The following EML5 variants were observed in gnomAD, a reference collection of about 807,000 sequenced individuals.
EML5 encodes EMAP like 5, also known as echinoderm microtubule-associated protein-like 5.
EML5 carries 120 observed loss-of-function variants against 250.0 expected under a neutral mutation model. That is an observed-to-expected ratio of 0.48 (90% CI 0.41 to 0.56). The LOEUF is 0.56. EML5 is among the 20% of genes least tolerant of loss of function. The pLI, the probability that EML5 is intolerant of heterozygous loss-of-function variation, is 0.00. For synonymous variants in EML5, 771 were observed against 806.5 expected, an observed-to-expected ratio of 0.96 and a Z score of 0.75; for missense variants, 2,006 against 2,437.6, an observed-to-expected ratio of 0.82 and a Z score of 3.73.
intron 2 of EML5, among the ~76,000 whole-genome samples, chr14:88,751,588 C>T (rs566785889): frequency 6.7e-6 from 1 of 150,028 alleles, no homozygotes; most frequent in Admixed American, 6.8e-5. Context: ...AATGGAATAT[C>T]TACAGAACAT....
At chr14:88,621,707 C>A in intron 37 of EML5, 3 of 278,524 alleles carry the variant, frequency 1.1e-5, no homozygotes, top group Admixed American at 4.4e-5. Context: ...AGATAATATC[C>A]GTATGATTTA....
chr14:88,618,912 G>T, intron 39 of EML5, 100 bp from the exon 40 acceptor site: 1 of 1,213,940 alleles, frequency 8.2e-7, no homozygotes, highest in African/African-American at 1.5e-5. Flanking sequence ...AGTAACGTGT[G>T]ATAAGGCCTC....
At chr14:88,707,299 T>TTTATTTA (rs2093335316) in intron 10 of EML5, among the ~76,000 whole-genome samples, 1 of 151,402 alleles carries the variant, frequency 6.6e-6, no homozygotes, top group African/African-American at 2.4e-5. Flanking sequence ...TATTTATTTA[T>TTTATTTA]TTATTTATGG....
intron 29 of EML5, among the ~76,000 whole-genome samples, chr14:88,645,102 C>A (rs943778161): frequency 6.6e-6 from 1 of 152,118 alleles, no homozygotes; most frequent in Non-Finnish European, 1.5e-5. Context: ...TCTCGCCTCA[C>A]TGCAACTCCA....
intron 32 of EML5, 30 bp from the exon 33 acceptor site, chr14:88,634,519 A>ACAT: frequency 7.5e-7 from 1 of 1,341,376 alleles, no homozygotes; most frequent in South Asian, 1.6e-5. Context: ...TCTATAAATA[A>ACAT]CATAAATCTG....
rs564516356 is a variant in EML5 at position 88,709,008 on chromosome 14, G to A, written c.1658-2582C>T. Among the ~76,000 whole-genome samples the A allele has an allele frequency of 7.2e-5, 11 of 152,130 alleles. No homozygotes were observed. In the South Asian group the frequency reaches 2.1e-3, roughly 29 times the overall value. Reference sequence around the variant, plus strand: ...TATACTAAAATATTTGTGTTTCAATGATTCCATTTCTTTTATAATGTGTTT... The same window carrying A: ...TATACTAAAATATTTGTGTTTCAATAATTCCATTTCTTTTATAATGTGTTT... On this transcript the variant is annotated intron_variant, in intron 10 of 43. Coordinates refer to ENST00000554922, the MANE Select transcript of EML5 (RefSeq NM_183387.3).
intron 1 of EML5, among the ~76,000 whole-genome samples, chr14:88,767,830 A>C (rs1231343680): frequency 2.6e-5 from 4 of 152,210 alleles, no homozygotes; most frequent in African/African-American, 9.6e-5. Context: ...ATCGGGAAGA[A>C]GAAGGAAATT....
intron 43 of EML5, 127 bp downstream of exon 43, chr14:88,616,015 T>C (rs1289591011): frequency 9.3e-6 from 12 of 1,284,880 alleles, no homozygotes; most frequent in African/African-American, 8.9e-5. Flanking sequence ...TGAAGAGCCA[T>C]CTGGTTATAC....
At chr14:88,687,730 A>G (rs1030205654) in intron 18 of EML5, among the ~76,000 whole-genome samples, 5 of 151,858 alleles carry the variant, frequency 3.3e-5, no homozygotes, top group Non-Finnish European at 7.3e-5. Flanking sequence ...ACATAGTATG[A>G]GCTTAAGAAC....
Position 88,659,408 on chromosome 14 carries a change from C to T in EML5, c.3676-1020G>A, listed in dbSNP as rs1185395731. Among the ~76,000 whole-genome samples the T allele has an allele frequency of 3.3e-5, 5 of 152,074 alleles. No individual in the cohort carries two copies. The East Asian group carries it at 9.6e-4, about 29-fold the overall frequency. ...TCTGTTTTTAATAGAGACGGGGTTT[C>T]ACCATGTTGACTAGGCTGGTCTCGA... On this transcript the variant is annotated intron_variant, in intron 25 of 43. Transcript: ENST00000554922.
chr14:88,729,577 T>G lies in EML5; in HGVS notation c.1050-2899A>C, dbSNP rs1287733130. ...TATTTGGTTTTTTGTTTTTTGTTTT[T>G]TTGAGACAGAGTCTCACTTTGTCAC... On this transcript the variant is annotated intron_variant, in intron 7 of 43. Transcript: ENST00000554922. Among the ~76,000 whole-genome samples the G allele has an allele frequency of 9.0e-3, 1,368 of 152,256 alleles. 22 individuals carry two copies. The highest frequency in any genetic ancestry group is 0.031 in the African/African-American group (1,303 of 41,500).
chr14:88,714,019 G>C (rs1484438190), intron 9 of EML5, among the ~76,000 whole-genome samples: 1 of 150,772 alleles, frequency 6.6e-6, no homozygotes, highest in East Asian at 2.0e-4. Context: ...TGTATTTTTA[G>C]TAAAGGCAGG....
intron 7 of EML5, among the ~76,000 whole-genome samples, chr14:88,732,291 C>T (rs2093772279): frequency 6.6e-6 from 1 of 152,126 alleles, no homozygotes; most frequent in Admixed American, 6.5e-5. Context: ...TATGGCTAGC[C>T]AGTTTTCCCA....
chr14:88,770,028 G>T (rs2094371955), intron 1 of EML5, among the ~76,000 whole-genome samples: 1 of 150,548 alleles, frequency 6.6e-6, no homozygotes, highest in African/African-American at 2.4e-5. Context: ...CTGTTTTTCA[G>T]TCATTTAGGT....
intron 31 of EML5, 150 bp from the exon 32 acceptor site, chr14:88,639,057 AG>A (rs1327243033): frequency 2.3e-5 from 14 of 617,288 alleles, no homozygotes; most frequent in Middle Eastern, 4.4e-4. Context: ...TCATAAGGAT[AG>A]AAAAATGATT....
chr14:88,656,779 A>T (rs1299187690), intron 27 of EML5, among the ~76,000 whole-genome samples: 1 of 152,190 alleles, frequency 6.6e-6, no homozygotes, highest in Non-Finnish European at 1.5e-5. Context: ...GCACATGGAT[A>T]GGCAGGCCTT....
chr14:88,645,083 G>A (rs11625715), intron 29 of EML5, among the ~76,000 whole-genome samples: 5,800 of 151,862 alleles, frequency 0.038, 179 homozygotes, highest in Non-Finnish European at 0.058. Context: ...CTGGAGTGCC[G>A]TGGCACATTC....
chr14:88,783,877 A>G (rs901110958), intron 1 of EML5, among the ~76,000 whole-genome samples: 9 of 152,236 alleles, frequency 5.9e-5, no homozygotes, highest in African/African-American at 2.2e-4. Context: ...TCCTCAGCAC[A>G]TGGATTATTC....
Position 88,634,485 on chromosome 14 carries a change from A to G in EML5, c.4341T>C (p.Asp1447=). 6.8e-7 allele frequency: 1 copy of G among 1,466,522 alleles called. No homozygotes were observed. The highest frequency in any genetic ancestry group is 1.4e-5 in the South Asian group (1 of 70,466). 90.8% of individuals were successfully genotyped at this position (1,466,522 alleles called of 1,614,324 possible). The stretch of plus-strand genomic sequence containing the variant: ...TTTCCTTACCTGACATGTCTGCTGA[A>G]TCACCTATAATGGAAAATAATTATC... The part of the protein sequence containing the change: ...INIVATGQVG[D]SADMSATAPS... The change falls in exon 33 of 44, where the codon GAT becomes GAC. Residue 1447 remains aspartate, a synonymous_variant. Coordinates refer to ENST00000554922, the MANE Select transcript of EML5 (RefSeq NM_183387.3).
Sources: gnomAD v4.1 joint callset for allele counts (sites outside exome capture counted in the v4.1 genomes callset) on GRCh38, gnomAD v4.1.1 for gene constraint, MANE v1.5 for transcripts, NCBI Gene and HGNC (gene_info 2026-07-23, HGNC 2026-07-21) for gene names.